Variants in UQCRC2 observed in about 807,000 individuals in gnomAD.
UQCRC2 encodes the protein ubiquinol-cytochrome c reductase core protein 2.
UQCRC2 carries 49 observed loss-of-function variants against 55.6 expected under a neutral mutation model. The ratio of observed to expected loss-of-function variants is 0.88; its 90% CI spans 0.70 to 1.12. UQCRC2 has a LOEUF of 1.12. UQCRC2 is among the 50% of genes most tolerant of loss of function. The probability of loss-of-function intolerance (pLI) is 0.00; values close to 1 mark genes in which losing one functional copy is unlikely to be tolerated. For synonymous variants in UQCRC2, 193 were observed against 192.0 expected, an observed-to-expected ratio of 1.01 and a Z score of -0.04; for missense variants, 506 against 547.8, an observed-to-expected ratio of 0.92 and a Z score of 0.76.
chr16:21,980,059 C>T (rs190559751), intron 12 of UQCRC2, among the ~76,000 whole-genome samples: 3 of 152,298 alleles, frequency 2.0e-5, no homozygotes, highest in Admixed American at 6.5e-5. Flanking sequence ...CTATGATGTT[C>T]GATACGTTAG....
chr16:21,965,620 C>G lies in UQCRC2; in HGVS notation c.612+115C>G, dbSNP rs147378271. 471 of 854,252 alleles carry G rather than the reference C, an allele frequency of 5.5e-4. 1 individual carries two copies. Among genetic ancestry groups the G allele is most frequent in the Non-Finnish European group, 7.3e-4 (443 of 609,568 alleles). The allele number at this position is 854,252 out of a possible 1,614,324, so 52.9% of individuals were successfully genotyped here. A position where few individuals can be genotyped will look rare whatever the true frequency, so the allele number is the denominator to read the frequency against. ...TATCTTCTAACTTTAAGAAATTCAG[C>G]GTGCTAGCTTTTTCATCCACCTGCT... On this transcript the variant is annotated intron_variant, in intron 7 of 13. Coordinates refer to ENST00000268379, the MANE Select transcript of UQCRC2 (RefSeq NM_003366.4).
At chr16:21,965,359 T>C (rs1046215461) in intron 6 of UQCRC2, 49 bp from the exon 7 acceptor site, 1 of 1,567,260 alleles carries the variant, frequency 6.4e-7, no homozygotes, top group Non-Finnish European at 8.8e-7. Flanking sequence ...AAAAATGTTG[T>C]CTTTACTGAA....
At chr16:21,977,810 G>A (rs1898622295) in intron 12 of UQCRC2, among the ~76,000 whole-genome samples, 1 of 152,130 alleles carries the variant, frequency 6.6e-6, no homozygotes. Context: ...CAACCTTTTG[G>A]TCATTTCTGT....
chr16:21,953,834 C>T (rs952076979), intron 1 of UQCRC2, among the ~76,000 whole-genome samples: 3 of 152,130 alleles, frequency 2.0e-5, no homozygotes, highest in Non-Finnish European at 4.4e-5. Context: ...AGCCTCTGCT[C>T]CTTGGTTTAT....
At chr16:21,976,030 G>A (rs1898576268) in intron 11 of UQCRC2, 137 bp from the exon 12 acceptor site, 1 of 571,948 alleles carries the variant, frequency 1.7e-6, no homozygotes, top group African/African-American at 1.9e-5. Flanking sequence ...AGTGATGACA[G>A]CATTCCGCAT....
chr16:21,975,706 G>C (rs1460694732), intron 11 of UQCRC2, among the ~76,000 whole-genome samples: 4 of 152,136 alleles, frequency 2.6e-5, no homozygotes, highest in Admixed American at 6.5e-5. Flanking sequence ...TCTCTTCTTA[G>C]TGAATAGTAA....
chr16:21,961,248 G>GA, intron 4 of UQCRC2: 1 of 389,324 alleles, frequency 2.6e-6, no homozygotes, highest in South Asian at 1.8e-5. Flanking sequence ...TGGTAATATT[G>GA]AAAAACCCCA....
rs780933568 is a variant in UQCRC2 at position 21,976,261 on chromosome 16, C to G, written c.1124+18C>G. On this transcript the variant is annotated intron_variant, in intron 12 of 13. Coordinates refer to ENST00000268379, the MANE Select transcript of UQCRC2 (RefSeq NM_003366.4). ...GCTGCCAAGTAAGTCTCAGTATTAA[C>G]TGTGTTTTATGTTTTTGTTATTTGA... is the stretch of plus-strand genomic sequence containing the variant. 6.3e-7 allele frequency: 1 copy of G among 1,589,224 alleles called. No individual in the cohort carries two copies. The highest frequency in any genetic ancestry group is 2.2e-5 in the East Asian group (1 of 44,732).
rs776645127 is a variant in UQCRC2, at chr16:21,958,568, C to T, written c.301C>T (p.Arg101Cys). 10 of 1,612,308 alleles carry T rather than the reference C, an allele frequency of 6.2e-6. No homozygotes were observed. Among genetic ancestry groups the T allele is most frequent in the South Asian group, 1.1e-5 (1 of 90,550 alleles). Residue 101 changes from arginine to cysteine, a missense_variant, in exon 4 of 14, where the codon CGT becomes TGT. By Grantham distance (180) the Arg-to-Cys change is radical. Transcript: ENST00000268379. ...AGGAGCTTCATCTTTCAAGATAACC[C>T]GTGGAATTGAAGCAGTTGGTGGCAA... The part of the protein sequence containing the change: ...TKGASSFKIT[R>C]GIEAVGGKLS...
In UQCRC2 at chr16:21,972,079, A is replaced by G; in HGVS notation, c.923A>G (p.His308Arg). The G allele has an allele frequency of 1.2e-6, 2 of 1,614,114 alleles. No individual in the cohort carries two copies. The highest frequency in any genetic ancestry group is 1.7e-4 in the Middle Eastern group (1 of 6,060). Residue 308 changes from histidine (H) to arginine (R), a missense_variant, in exon 10 of 14, where the codon CAT becomes CGT. By Grantham distance (29) the His-to-Arg change is conservative. Transcript: ENST00000268379. Reference protein sequence around the residue: ...HVKRGSNTTSHLHQAVAKATQ... With the variant: ...HVKRGSNTTSRLHQAVAKATQ... ...AAGAGGGGCAGCAACACCACCAGCC[A>G]TCTGCACCAGGCTGTTGCCAAGGCA...
chr16:21,969,129 G>A (rs1289901975), intron 8 of UQCRC2, among the ~76,000 whole-genome samples: 2 of 152,174 alleles, frequency 1.3e-5, no homozygotes, highest in African/African-American at 4.8e-5. Flanking sequence ...AAAATTAAAA[G>A]ATGGACTCTG....
At chr16:21,956,405 G>A (rs756431876) in intron 1 of UQCRC2, among the ~76,000 whole-genome samples, 4 of 151,988 alleles carry the variant, frequency 2.6e-5, no homozygotes, top group Admixed American at 6.6e-5. Flanking sequence ...TTAGCCAGGC[G>A]TGGCAGCATG....
Position 21,961,948 on chromosome 16 carries a change from C to T in UQCRC2, c.333-512C>T, listed in dbSNP as rs528765448. 1.4e-4 allele frequency among the ~76,000 whole-genome samples: 21 copies of T among 151,872 alleles called. 1 individual carries two copies. Among genetic ancestry groups the T allele is most frequent in the African/African-American group, 4.6e-4 (19 of 41,448 alleles). On this transcript the variant is annotated intron_variant, in intron 4 of 13. Coordinates refer to ENST00000268379, the MANE Select transcript of UQCRC2 (RefSeq NM_003366.4). ...GATTACAGGTGTGAGCCACTGCGCC[C>T]GGCCCAAATTTATCATTTTCTTAAG...
intron 8 of UQCRC2, among the ~76,000 whole-genome samples, chr16:21,970,958 G>A (rs1898445405): frequency 2.0e-5 from 3 of 151,806 alleles, no homozygotes; most frequent in African/African-American, 7.3e-5. Context: ...AGTTGTAAAG[G>A]TTCTTTATAT....
chr16:21,970,385 T>C (rs566721449), intron 8 of UQCRC2, among the ~76,000 whole-genome samples: 2 of 152,360 alleles, frequency 1.3e-5, no homozygotes, highest in Non-Finnish European at 2.9e-5. Context: ...CCAAAGTAGC[T>C]GCACCATTTT....
chr16:21,958,059 C>A (rs1288643918), intron 3 of UQCRC2, among the ~76,000 whole-genome samples: 2 of 152,108 alleles, frequency 1.3e-5, no homozygotes, highest in Non-Finnish European at 2.9e-5. Flanking sequence ...AATAAAGTAA[C>A]ATGCAAATAT....
In UQCRC2 at chr16:21,962,524, C is replaced by G; in HGVS notation, c.389+8C>G. ...ATGCCTGCGGGGTGATGTGTAAGTA[C>G]CTGTGTGTGTTTAGGACTTCTGCTT... is the stretch of plus-strand genomic sequence containing the variant. On this transcript the variant is annotated splice_region_variant and intron_variant, in intron 5 of 13. Transcript: ENST00000268379. 1 of 1,614,086 alleles carries G rather than the reference C, an allele frequency of 6.2e-7. No individual in the cohort carries two copies. The highest frequency in any genetic ancestry group is 1.3e-5 in the African/African-American group (1 of 75,008).
Position 21,957,584 on chromosome 16 carries a change from C to T in UQCRC2, c.267+18C>T. On this transcript the variant is annotated intron_variant, in intron 3 of 13. Transcript: ENST00000268379. Reference sequence around the variant, plus strand: ...CCAGTCTGGTGAGTATCTTCACTTCCTCAAGTGTTTGGAAATGCTGTGGTA... The same window carrying T: ...CCAGTCTGGTGAGTATCTTCACTTCTTCAAGTGTTTGGAAATGCTGTGGTA... The T allele has an allele frequency of 6.2e-7, 1 of 1,611,038 alleles. No homozygotes were observed. The highest frequency in any genetic ancestry group is 1.3e-5 in the African/African-American group (1 of 74,886).
Position 21,971,536 on chromosome 16 carries a change from C to T in UQCRC2, c.682C>T (p.Pro228Ser), listed in dbSNP as rs367686604. Reference sequence around the variant, plus strand: ...TTCTGTTGAAACAGGTGTGAGTCATCCTGTTCTAAAGCAAGTTGCTGAACA... The same window carrying T: ...TTCTGTTGAAACAGGTGTGAGTCATTCTGTTCTAAAGCAAGTTGCTGAACA... ...MALIGLGVSH[P>S]VLKQVAEQFL... Residue 228 changes from proline (P) to serine (S), a missense_variant, in exon 9 of 14, where the codon CCT (proline) becomes TCT (serine). Physicochemically the swap from Pro to Ser is moderately conservative, Grantham distance 74. Coordinates refer to ENST00000268379, the MANE Select transcript of UQCRC2 (RefSeq NM_003366.4). 6.2e-7 allele frequency: 1 copy of T among 1,613,596 alleles called. No homozygotes were observed. The highest frequency in any genetic ancestry group is 8.5e-7 in the Non-Finnish European group (1 of 1,179,786).
Sources: gnomAD v4.1 joint callset for allele counts (sites outside exome capture counted in the v4.1 genomes callset) on GRCh38, gnomAD v4.1.1 for gene constraint, MANE v1.5 for transcripts, NCBI Gene and HGNC (gene_info 2026-07-23, HGNC 2026-07-21) for gene names.